The following KLRG1 variants were observed in gnomAD, a reference collection of about 807,000 sequenced individuals.
KLRG1 encodes killer cell lectin-like receptor subfamily G member 1.
In KLRG1, 16 loss-of-function variants were observed where a neutral mutation model predicts 21.8. The ratio of observed to expected loss-of-function variants is 0.73; its 90% CI spans 0.50 to 1.11. The LOEUF (loss-of-function observed/expected upper bound fraction) is 1.11, where lower values mean the gene tolerates loss of function less well. Ranked by LOEUF, KLRG1 falls within the 50% of genes most tolerant of loss-of-function variation. The probability of loss-of-function intolerance (pLI) is 0.00; values close to 1 mark genes in which losing one functional copy is unlikely to be tolerated. For synonymous variants in KLRG1, 69 were observed against 75.9 expected, an observed-to-expected ratio of 0.91 and a Z score of 0.47; for missense variants, 173 against 218.3, an observed-to-expected ratio of 0.79 and a Z score of 1.31.
chr12:9,117,529 G>A, the KLRG1 span, among the ~76,000 whole-genome samples: 2 of 152,158 alleles, frequency 1.3e-5, no homozygotes, highest in Non-Finnish European at 2.9e-5. Flanking sequence ...TTCCTGGCTC[G>A]TCACGGAGTG....
At chr12:9,016,708 G>C in the KLRG1 span, among the ~76,000 whole-genome samples, 574 of 152,256 alleles carry the variant, frequency 3.8e-3, 3 homozygotes, top group African/African-American at 0.013. Flanking sequence ...TGCCTCCTGG[G>C]TTCAAGTGAT....
At chr12:9,166,047 C>G in the KLRG1 span, 1 of 1,600,496 alleles carries the variant, frequency 6.2e-7, no homozygotes, top group Non-Finnish European at 8.5e-7. Context: ...AGTAAAGTTA[C>G]TTACTTCACT....
chr12:9,116,254 A>C, the KLRG1 span: 1 of 281,730 alleles, frequency 3.5e-6, no homozygotes. Context: ...GAAAACTACA[A>C]TTTAAGCAAC....
the KLRG1 span, among the ~76,000 whole-genome samples, chr12:9,033,688 G>A: frequency 4.6e-5 from 7 of 152,244 alleles, no homozygotes; most frequent in African/African-American, 1.4e-4. Flanking sequence ...ACTTTTGTGT[G>A]ACTATTGTTT....
At chr12:9,074,893 C>T in the KLRG1 span, 9 of 1,139,844 alleles carry the variant, frequency 7.9e-6, no homozygotes, top group South Asian at 1.1e-4. Flanking sequence ...ATTATAATCC[C>T]CTGTACTGTA....
intron 1 of KLRG1, among the ~76,000 whole-genome samples, chr12:8,953,044 G>A (rs929977040): frequency 2.5e-5 from 1 of 39,444 alleles, no homozygotes; most frequent in African/African-American, 6.5e-5. Flanking sequence ...CATAGCTAGT[G>A]ACACCCCCCC....
At chr12:9,091,922 A>G in the KLRG1 span, among the ~76,000 whole-genome samples, 2 of 152,228 alleles carry the variant, frequency 1.3e-5, no homozygotes, top group African/African-American at 2.4e-5. Flanking sequence ...CTCTGATGCA[A>G]TTAGATTAGT....
chr12:9,128,061 C>G, the KLRG1 span: 64 of 217,716 alleles, frequency 2.9e-4, no homozygotes, highest in African/African-American at 1.4e-3. Context: ...CTGCGCAGGG[C>G]GCCCGATGAG....
downstream of KLRG1, among the ~76,000 whole-genome samples, chr12:9,014,455 A>G (rs1391017301): frequency 6.6e-6 from 1 of 152,178 alleles, no homozygotes; most frequent in African/African-American, 2.4e-5. Flanking sequence ...GTGGCATGAT[A>G]TATTTAAAGT....
intron 1 of KLRG1, among the ~76,000 whole-genome samples, chr12:8,960,973 A>G (rs987469927): frequency 2.2e-4 from 33 of 152,210 alleles, no homozygotes; most frequent in African/African-American, 7.7e-4. Context: ...CTGATTATCA[A>G]AGATACCAAG....
chr12:9,056,566 T>G, the KLRG1 span, among the ~76,000 whole-genome samples: 17 of 148,968 alleles, frequency 1.1e-4, no homozygotes, highest in African/African-American at 2.0e-4. Context: ...ACTTGGGGGG[T>G]GTGTGTGTGT....
At chr12:9,111,630 G>C in the KLRG1 span, 225 of 421,082 alleles carry the variant, frequency 5.3e-4, no homozygotes, top group Non-Finnish European at 9.1e-4. Context: ...GAGAAGAGTT[G>C]CCTCTTTTTG....
At chr12:9,113,371 C>G in the KLRG1 span, 5 of 1,613,430 alleles carry the variant, frequency 3.1e-6, no homozygotes, top group Non-Finnish European at 4.2e-6. Flanking sequence ...GCGAAGGCGA[C>G]ACAGTGGAGT....
At chr12:8,997,028 A>G (rs1592270577) in intron 3 of KLRG1, among the ~76,000 whole-genome samples, 1 of 152,272 alleles carries the variant, frequency 6.6e-6, no homozygotes, top group East Asian at 1.9e-4. Context: ...AGGGCACAGA[A>G]TATCTGGGAA....
At chr12:9,085,422 A>G in the KLRG1 span, among the ~76,000 whole-genome samples, 131 of 152,266 alleles carry the variant, frequency 8.6e-4, no homozygotes, top group African/African-American at 3.0e-3. Context: ...CCAATGGGTC[A>G]ATAAAGAAAT....
At chr12:9,079,573 T>C in the KLRG1 span, 1 of 1,469,008 alleles carries the variant, frequency 6.8e-7, no homozygotes, top group Non-Finnish European at 9.4e-7. Context: ...CATAAGTAAC[T>C]GAAACCTACT....
chr12:9,172,830 G>A, the KLRG1 span, among the ~76,000 whole-genome samples: 1 of 152,182 alleles, frequency 6.6e-6, no homozygotes, highest in Non-Finnish European at 1.5e-5. Flanking sequence ...CATAAAGCAA[G>A]TTCTTATATA....
At chr12:9,110,626 ATCAT>A in the KLRG1 span, among the ~76,000 whole-genome samples, 1 of 151,652 alleles carries the variant, frequency 6.6e-6, no homozygotes, top group Non-Finnish European at 1.5e-5. Flanking sequence ...ATCATCCATA[ATCAT>A]TATCATGCAC....
the KLRG1 span, chr12:9,162,463 G>T: frequency 1.5e-6 from 1 of 668,028 alleles, no homozygotes; most frequent in Middle Eastern, 2.5e-4. Context: ...CATACATAAA[G>T]AAATATTTAG....
Sources: gnomAD v4.1 joint callset for allele counts (sites outside exome capture counted in the v4.1 genomes callset) on GRCh38, gnomAD v4.1.1 for gene constraint, MANE v1.5 for transcripts, NCBI Gene and HGNC (gene_info 2026-07-23, HGNC 2026-07-21) for gene names.